The following NAALADL2 variants were observed in gnomAD, a reference collection of about 807,000 sequenced individuals.
NAALADL2 encodes the protein inactive N-acetylated-alpha-linked acidic dipeptidase-like protein 2.
In NAALADL2, 76 loss-of-function variants were observed where a neutral mutation model predicts 87.2. The ratio of observed to expected loss-of-function variants is 0.87; its 90% CI spans 0.72 to 1.05. NAALADL2 has a LOEUF of 1.05. NAALADL2 is among the 50% of genes least tolerant of loss of function. The pLI is 0.00. For missense variants in NAALADL2, 1,089 were observed against 945.8 expected (o/e 1.15, Z -1.99); for synonymous variants, 354 against 331.0 (o/e 1.07, Z -0.75).
chr3:174,964,208 C>T (rs1157292585), intron 1 of NAALADL2, among the ~76,000 whole-genome samples: 3 of 152,102 alleles, frequency 2.0e-5, no homozygotes, highest in Non-Finnish European at 4.4e-5. Flanking sequence ...ACATAATCCC[C>T]TTTACCTAGC....
chr3:175,130,846 T>G (rs1727722080), intron 2 of NAALADL2, among the ~76,000 whole-genome samples: 1 of 152,162 alleles, frequency 6.6e-6, no homozygotes, highest in African/African-American at 2.4e-5. Flanking sequence ...ATGTAAAACC[T>G]CCAGCACTGT....
chr3:175,537,596 A>G (rs1272593545), intron 9 of NAALADL2, among the ~76,000 whole-genome samples: 1 of 152,198 alleles, frequency 6.6e-6, no homozygotes, highest in Non-Finnish European at 1.5e-5. Context: ...CTTAGAACTA[A>G]TTTAAGATAC....
intron 1 of NAALADL2, among the ~76,000 whole-genome samples, chr3:174,944,150 G>A (rs1739039366): frequency 6.6e-6 from 1 of 152,160 alleles, no homozygotes; most frequent in South Asian, 2.1e-4. Flanking sequence ...CAGCAAAGAT[G>A]AGGGCCTGCT....
chr3:174,546,173 T>A (rs1432150013), intron 1 of NAALADL2, among the ~76,000 whole-genome samples: 1 of 152,150 alleles, frequency 6.6e-6, no homozygotes, highest in Non-Finnish European at 1.5e-5. Flanking sequence ...CCATTTTTAG[T>A]TATCTGGTGA....
intron 5 of NAALADL2, among the ~76,000 whole-genome samples, chr3:175,372,250 C>A (rs1181838451): frequency 2.6e-5 from 4 of 152,144 alleles, no homozygotes; most frequent in South Asian, 2.1e-4. Flanking sequence ...TTTCATCATA[C>A]TGACCTAATA....
chr3:174,824,059 A>G (rs940837427), intron 3 of NAALADL2, among the ~76,000 whole-genome samples: 3 of 152,214 alleles, frequency 2.0e-5, no homozygotes, highest in South Asian at 4.1e-4. Context: ...GTTAAAAAGC[A>G]GTAATCACCA....
intron 1 of NAALADL2, among the ~76,000 whole-genome samples, chr3:174,465,175 T>G (rs1716459820): frequency 6.6e-6 from 1 of 152,088 alleles, no homozygotes; most frequent in East Asian, 1.9e-4. Flanking sequence ...TATATAGTTA[T>G]GATTCTCTGT....
intron 1 of NAALADL2, among the ~76,000 whole-genome samples, chr3:175,074,803 GATGA>G (rs1417438360): frequency 6.6e-6 from 1 of 151,940 alleles, no homozygotes; most frequent in Non-Finnish European, 1.5e-5. Flanking sequence ...TGGTGCTAGG[GATGA>G]GTACCAGGGG....
At chr3:174,689,523 G>A (rs964597151) in intron 2 of NAALADL2, among the ~76,000 whole-genome samples, 2 of 151,958 alleles carry the variant, frequency 1.3e-5, no homozygotes, top group African/African-American at 2.4e-5. Flanking sequence ...GGAATCAGCA[G>A]TATGAACATC....
At chr3:174,539,255 G>A (rs1241666046) in intron 1 of NAALADL2, among the ~76,000 whole-genome samples, 1 of 151,870 alleles carries the variant, frequency 6.6e-6, no homozygotes, top group Admixed American at 6.6e-5. Context: ...CATTACAAAA[G>A]CTTTCTTTTA....
chr3:175,423,028 A>AAAAATATAT (rs1438736874), intron 5 of NAALADL2, among the ~76,000 whole-genome samples: 26 of 111,292 alleles, frequency 2.3e-4, no homozygotes, highest in African/African-American at 9.8e-4. Flanking sequence ...GAAAAAAAAA[A>AAAAATATAT]ATATATATAT....
chr3:174,978,730 C>T (rs1744702323), intron 1 of NAALADL2, among the ~76,000 whole-genome samples: 3 of 152,098 alleles, frequency 2.0e-5, no homozygotes, highest in Admixed American at 2.0e-4. Context: ...TGTGATTAAA[C>T]ATAAATTATA....
chr3:174,545,179 C>T (rs2108476892), intron 1 of NAALADL2, among the ~76,000 whole-genome samples: 1 of 152,284 alleles, frequency 6.6e-6, no homozygotes, highest in African/African-American at 2.4e-5. Context: ...TGCCTTGCCT[C>T]AATAACCTTT....
intron 1 of NAALADL2, among the ~76,000 whole-genome samples, chr3:174,456,352 A>C (rs866586532): frequency 1.3e-5 from 2 of 150,004 alleles, no homozygotes; most frequent in South Asian, 4.2e-4. Context: ...ACAACTAGAA[A>C]ACTGTTTTAA....
At chr3:175,318,246 T>C (rs866313002) in intron 4 of NAALADL2, among the ~76,000 whole-genome samples, 10 of 152,182 alleles carry the variant, frequency 6.6e-5, no homozygotes, top group Middle Eastern at 6.8e-3. Flanking sequence ...AAATGCAGAG[T>C]AGCATTTATG....
At chr3:175,069,914 A>G (rs1715289843) in intron 1 of NAALADL2, among the ~76,000 whole-genome samples, 1 of 149,588 alleles carries the variant, frequency 6.7e-6, no homozygotes, top group Non-Finnish European at 1.5e-5. Flanking sequence ...TCGCAAGAAC[A>G]AAAAACCAAA....
chr3:174,755,566 GC>G (rs1360751264), intron 3 of NAALADL2, among the ~76,000 whole-genome samples: 1 of 152,024 alleles, frequency 6.6e-6, no homozygotes, highest in African/African-American at 2.4e-5. Context: ...TATATAGCTT[GC>G]CTTTTGAATA....
intron 11 of NAALADL2, among the ~76,000 whole-genome samples, chr3:175,640,680 C>G (rs867642277): frequency 2.6e-5 from 4 of 152,156 alleles, no homozygotes; most frequent in Non-Finnish European, 4.4e-5. Flanking sequence ...TCTTACCCAT[C>G]ATTCATTTGA....
At chr3:175,585,416 T>C (rs1383576691) in intron 10 of NAALADL2, among the ~76,000 whole-genome samples, 1 of 152,220 alleles carries the variant, frequency 6.6e-6, no homozygotes, top group East Asian at 1.9e-4. Flanking sequence ...TAATTCTTAT[T>C]CTTCTAGTTT....
Sources: allele counts gnomAD v4.1 joint callset (sites outside exome capture counted in the v4.1 genomes callset), GRCh38; gene constraint gnomAD v4.1.1; transcripts MANE v1.5; gene names NCBI Gene and HGNC (gene_info 2026-07-23, HGNC 2026-07-21).